The following MTMR4 variants were observed in gnomAD, a reference collection of about 807,000 sequenced individuals.
MTMR4 encodes the protein myotubularin related protein 4.
In MTMR4, 30 loss-of-function variants were observed where a neutral mutation model predicts 125.5. That is an observed-to-expected ratio of 0.24 (90% CI 0.18 to 0.32). The LOEUF is 0.32. Ranked by LOEUF, MTMR4 falls within the 10% of genes least tolerant of loss-of-function variation. The probability of loss-of-function intolerance (pLI) is 1.00; values close to 1 mark genes in which losing one functional copy is unlikely to be tolerated. For missense variants in MTMR4, 1,039 were observed against 1,511.5 expected (o/e 0.69, Z 5.18); for synonymous variants, 498 against 564.5 (o/e 0.88, Z 1.67).
In MTMR4 at chr17:58,496,311, T is replaced by C; in HGVS notation, c.1873A>G (p.Met625Val). Residue 625 changes from methionine to valine, a missense_variant, in exon 15 of 18, where the codon ATG becomes GTG. By Grantham distance (21) the Met-to-Val change is conservative. Around this residue, in one of 6 missense-constraint regions of MTMR4, gnomAD observed 619 missense variants for 714.5 expected, o/e 0.87. Transcript: ENST00000682306. ...SLDRLPKTRS[M>V]DDLLSACDTS... Reference sequence around the variant, plus strand: ...TCACAGGCAGAAAGAAGATCATCCATGGATCTGGTTTTAGGTAATCTGGAA... The same window carrying C: ...TCACAGGCAGAAAGAAGATCATCCACGGATCTGGTTTTAGGTAATCTGGAA... 1.9e-6 allele frequency: 3 copies of C among 1,609,724 alleles called. No homozygotes were observed. The highest frequency in any genetic ancestry group is 2.5e-6 in the Non-Finnish European group (3 of 1,178,020).
Position 58,504,282 on chromosome 17 carries a change from G to C in MTMR4, c.1527+21C>G, listed in dbSNP as rs144103616. The C allele has an allele frequency of 4.4e-4, 712 of 1,607,026 alleles. No homozygotes were observed. The highest frequency in any genetic ancestry group is 5.8e-4 in the Non-Finnish European group (676 of 1,173,986). On this transcript the variant is annotated intron_variant, in intron 12 of 17. Transcript: ENST00000682306. The surrounding 1 kb of genome is among the most constrained non-coding windows in gnomAD (Gnocchi z 7.1). Reference sequence around the variant, plus strand: ...GGCTGTCATTCCCCCCATCCCTGTTGTCACAGGCCTTAGGACTTACCAGGA... The same window carrying C: ...GGCTGTCATTCCCCCCATCCCTGTTCTCACAGGCCTTAGGACTTACCAGGA...
At chr17:58,516,453 T>C (rs970319164), upstream of MTMR4, 6 of 970,460 alleles carry the variant, frequency 6.2e-6, no homozygotes, top group African/African-American at 6.5e-5. Flanking sequence ...CCAGGGCAGA[T>C]GAACATGTTT....
At chr17:58,510,688 G>C (rs1472970015) in intron 4 of MTMR4, 1 of 152,038 alleles carries the variant, frequency 6.6e-6, no homozygotes, top group African/African-American at 2.4e-5. Context: ...TGCCCAAGCT[G>C]ATCTTGAACT....
rs754146939 is a variant in MTMR4 at position 58,504,329 on chromosome 17, G to A, written c.1501C>T (p.Leu501=). Residue 501 remains leucine (L), a synonymous_variant, in exon 12 of 18, where the codon CTG becomes TTG. Transcript: ENST00000682306. This position sits in a 1 kb window ranked among gnomAD's most constrained non-coding sequence, Gnocchi z 7.1. ...VHQLLKQFPC[L]FEFNEAFLVK... ...AGGAATGCTTCATTAAATTCAAACA[G>A]GCAGGGGAACTGCTTAAGCAACTGA... 1 of 1,613,998 alleles carries A rather than the reference G, an allele frequency of 6.2e-7. No homozygotes were observed. The highest frequency in any genetic ancestry group is 1.7e-5 in the Admixed American group (1 of 60,012).
Position 58,511,520 on chromosome 17 carries a change from G to T in MTMR4, c.253-9C>A. 1 of 1,611,804 alleles carries T rather than the reference G, an allele frequency of 6.2e-7. No individual in the cohort carries two copies. The highest frequency in any genetic ancestry group is 8.5e-7 in the Non-Finnish European group (1 of 1,178,756). On this transcript the variant is annotated splice_polypyrimidine_tract_variant and intron_variant, in intron 3 of 17. Coordinates refer to ENST00000682306, the MANE Select transcript of MTMR4 (RefSeq NM_001378067.1). ...ATCATCCGGAGGGGGACCTGTAGAG[G>T]AAGGGCAAACTGAAGCTCAGACTCC...
intron 4 of MTMR4, chr17:58,511,053 T>C (rs1455103443): frequency 6.4e-6 from 1 of 157,018 alleles, no homozygotes; most frequent in Non-Finnish European, 1.4e-5. Flanking sequence ...TTCCCTGCTG[T>C]ATCCCCAGGG....
chr17:58,499,552 T>G (rs1975564622), intron 14 of MTMR4, among the ~76,000 whole-genome samples: 1 of 151,708 alleles, frequency 6.6e-6, no homozygotes, highest in Non-Finnish European at 1.5e-5. Context: ...CTCTCATGTA[T>G]CCACTTGCTT....
intron 17 of MTMR4, 47 bp from the exon 18 acceptor site, chr17:58,491,887 C>G: frequency 6.3e-7 from 1 of 1,580,822 alleles, no homozygotes. Context: ...TGCCAATATA[C>G]TGGCCAGGCA....
Position 58,494,949 on chromosome 17 carries a change from C to A in MTMR4, c.3235G>T (p.Asp1079Tyr). ...CTACTTACAAAATCATCCTCATAGT[C>A]CATGGGGGGCTCTGCTGGAGGGGCA... ...CCAPPAEPPM[D>Y]YEDDFTCLKE... The change falls in exon 15 of 18, where the codon GAC (aspartate) becomes TAC (tyrosine). Residue 1079 changes from aspartate to tyrosine, a missense_variant. This residue lies in a region of MTMR4 where 619 missense variants were observed against 714.5 expected (regional missense o/e 0.87). Transcript: ENST00000682306. 1 of 1,613,974 alleles carries A rather than the reference C, an allele frequency of 6.2e-7. No homozygotes were observed. The highest frequency in any genetic ancestry group is 8.5e-7 in the Non-Finnish European group (1 of 1,179,928).
At position 58,492,517 on chromosome 17, in the gene MTMR4, T is replaced by C; in HGVS notation, c.3446A>G (p.His1149Arg). The change falls in exon 17 of 18, where the codon CAT (histidine) becomes CGT (arginine). Residue 1149 changes from histidine (H) to arginine (R), a missense_variant. Transcript: ENST00000682306. ...ATCATACAAAACATCTTACCTGCAA[T>C]GGTGTCTTCGTTTGGCCAACCAGAA... Reference protein sequence around the residue: ...CEFWLAKRRHHCRNCGNVFCA... With the variant: ...CEFWLAKRRHRCRNCGNVFCA... The C allele has an allele frequency of 6.2e-7, 1 of 1,613,936 alleles. No individual in the cohort carries two copies. Among genetic ancestry groups the C allele is most frequent in the Non-Finnish European group, 8.5e-7 (1 of 1,179,892 alleles).
Position 58,491,702 on chromosome 17 carries a change from G to A in MTMR4, c.3591C>T (p.Ser1197=). The A allele has an allele frequency of 6.2e-7, 1 of 1,613,942 alleles. No individual in the cohort carries two copies. The highest frequency in any genetic ancestry group is 1.7e-5 in the Admixed American group (1 of 60,010). ...TAGCAATGGGTTTCTTCAGCTGTTGGCTCATGAGTTCCCTGGCACGAGAGA... is the reference window on the plus strand; with the variant it reads ...TAGCAATGGGTTTCTTCAGCTGTTGACTCATGAGTTCCCTGGCACGAGAGA... ...IQVSRARELM[S]QQLKKPIATA... Residue 1197 remains serine, a synonymous_variant, in exon 18 of 18, where the codon AGC becomes AGT. Transcript: ENST00000682306.
chr17:58,504,555 A>G lies in MTMR4; in HGVS notation c.1342-67T>C. The G allele has an allele frequency of 1.3e-6, 2 of 1,548,588 alleles. No homozygotes were observed. The highest frequency in any genetic ancestry group is 1.7e-6 in the Non-Finnish European group (2 of 1,142,990). ...AATGCTGATGTGCTACTCCCCTGGG[A>G]ACTGCCCAAAGCAGGAAGCTGGCAG... On this transcript the variant is annotated intron_variant, in intron 11 of 17. Coordinates refer to ENST00000682306, the MANE Select transcript of MTMR4 (RefSeq NM_001378067.1). This position sits in a 1 kb window ranked among gnomAD's most constrained non-coding sequence, Gnocchi z 7.1.
intron 17 of MTMR4, 118 bp from the exon 18 acceptor site, chr17:58,491,958 G>T: frequency 2.4e-6 from 2 of 832,324 alleles, no homozygotes; most frequent in Non-Finnish European, 3.5e-6. Context: ...ATCGCTTGAG[G>T]CCAGGAGTTT....
rs1427083943 is a variant in MTMR4 at position 58,512,795 on chromosome 17, G to A, written c.135+57C>T. On this transcript the variant is annotated intron_variant, in intron 2 of 17. Transcript: ENST00000682306. This position sits in a 1 kb window ranked among gnomAD's most constrained non-coding sequence, Gnocchi z 4.1. Reference sequence around the variant, plus strand: ...CTTGAGGATTTTTGGGAGAAGGGAGGGTGTTTTTTAACTGGGCAGGGAGCC... The same window carrying A: ...CTTGAGGATTTTTGGGAGAAGGGAGAGTGTTTTTTAACTGGGCAGGGAGCC... The A allele has an allele frequency of 1.4e-6, 2 of 1,441,524 alleles. No individual in the cohort carries two copies. The highest frequency in any genetic ancestry group is 1.9e-6 in the Non-Finnish European group (2 of 1,028,706). 89.3% of individuals were successfully genotyped at this position (1,441,524 alleles called of 1,614,324 possible).
chr17:58,516,653 C>A (rs893652208), upstream of MTMR4: 1 of 1,581,372 alleles, frequency 6.3e-7, no homozygotes, highest in African/African-American at 1.3e-5. Context: ...AAGTAAAGGA[C>A]CCCATTAACA....
At chr17:58,497,659 C>T (rs1000445365) in intron 14 of MTMR4, among the ~76,000 whole-genome samples, 10 of 152,190 alleles carry the variant, frequency 6.6e-5, no homozygotes, top group South Asian at 2.1e-4. Flanking sequence ...GAATCCCCAG[C>T]GCCTAGCACA....
Position 58,495,144 on chromosome 17 carries a change from A to G in MTMR4, c.3040T>C (p.Cys1014Arg). Residue 1014 changes from cysteine to arginine, a missense_variant, in exon 15 of 18, where the codon TGC becomes CGC. Cys to Arg is a radical substitution (Grantham distance 180, BLOSUM62 -3). Transcript: ENST00000682306. ...VSSTKPVPLN[C>R]PSPVPPLYLD... ...TACAGAGGAGGCACTGGAGAAGGGCAGTTCAGTGGAACGGGCTTTGTGCTA... is the reference window on the plus strand; with the variant it reads ...TACAGAGGAGGCACTGGAGAAGGGCGGTTCAGTGGAACGGGCTTTGTGCTA... 6.2e-7 allele frequency: 1 copy of G among 1,614,262 alleles called. No homozygotes were observed.
chr17:58,517,354 C>T (rs144690470), upstream of MTMR4, among the ~76,000 whole-genome samples: 357 of 152,390 alleles, frequency 2.3e-3, 3 homozygotes, highest in African/African-American at 8.3e-3. Flanking sequence ...TTCACTGACA[C>T]TTTCCTTCAT....
At chr17:58,501,846 G>A (rs930562176) in intron 14 of MTMR4, among the ~76,000 whole-genome samples, 6 of 151,854 alleles carry the variant, frequency 4.0e-5, no homozygotes, top group African/African-American at 1.5e-4. Context: ...ATAACTTGAG[G>A]TCAGGAGTTC....
Sources: gnomAD v4.1 joint callset for allele counts (sites outside exome capture counted in the v4.1 genomes callset) on GRCh38, gnomAD v4.1.1 for gene constraint, gnomAD v4.1.1 regional missense constraint, Gnocchi (gnomAD v3.1) non-coding constraint, MANE v1.5 for transcripts, NCBI Gene and HGNC (gene_info 2026-07-23, HGNC 2026-07-21) for gene names.